Variants in HERPUD2 observed in about 807,000 individuals in gnomAD.
The protein encoded by HERPUD2 is HERPUD family member 2.
In HERPUD2, 13 loss-of-function variants were observed where a neutral mutation model predicts 49.9. That is an observed-to-expected ratio of 0.26 (90% CI 0.17 to 0.41). The LOEUF (loss-of-function observed/expected upper bound fraction) is 0.41, where lower values mean the gene tolerates loss of function less well. Among genes scored for constraint, HERPUD2 ranks in the 10% least tolerant of loss-of-function variants. The pLI is 1.00. For missense variants in HERPUD2, 449 were observed against 492.2 expected, an observed-to-expected ratio of 0.91 and a Z score of 0.83; for synonymous variants, 172 against 171.4, an observed-to-expected ratio of 1.00 and a Z score of -0.03.
intron 2 of HERPUD2, among the ~76,000 whole-genome samples, chr7:35,677,389 C>T (rs1164834539): frequency 6.6e-6 from 1 of 152,166 alleles, no homozygotes; most frequent in East Asian, 1.9e-4. Flanking sequence ...CGTTTCTAGG[C>T]TTTCATTATT....
intron 2 of HERPUD2, among the ~76,000 whole-genome samples, chr7:35,683,886 T>C (rs1057004653): frequency 4.0e-5 from 6 of 151,684 alleles, no homozygotes; most frequent in Admixed American, 6.6e-5. Context: ...GGAATGGCCA[T>C]AATCAAAAAA....
intron 7 of HERPUD2, 64 bp downstream of exon 7, chr7:35,635,071 C>T (rs964108164): frequency 4.9e-6 from 6 of 1,218,286 alleles, no homozygotes; most frequent in African/African-American, 3.0e-5. Context: ...GACTACCCTA[C>T]ACCAGATTCT....
intron 6 of HERPUD2, among the ~76,000 whole-genome samples, chr7:35,637,884 G>A (rs1157850979): frequency 1.3e-4 from 20 of 152,188 alleles, no homozygotes; most frequent in Admixed American, 1.3e-3. Context: ...AATGCAGAAT[G>A]AGTTGAGGAG....
At chr7:35,638,721 C>CA (rs1314224795) in intron 5 of HERPUD2, among the ~76,000 whole-genome samples, 2 of 152,182 alleles carry the variant, frequency 1.3e-5, no homozygotes, top group Non-Finnish European at 2.9e-5. Context: ...AGAAACACCA[C>CA]AAAATGTACA....
intron 8 of HERPUD2, 132 bp downstream of exon 8, chr7:35,634,180 A>G (rs2115812647): frequency 1.5e-6 from 1 of 645,648 alleles, no homozygotes; most frequent in African/African-American, 1.8e-5. Flanking sequence ...ACCACAATTT[A>G]TATGTTAGTT....
At chr7:35,634,031 A>G (rs1784830738) in intron 8 of HERPUD2, among the ~76,000 whole-genome samples, 180 bp from the exon 9 acceptor site, 1 of 152,242 alleles carries the variant, frequency 6.6e-6, no homozygotes, top group African/African-American at 2.4e-5. Flanking sequence ...GACAACTGCC[A>G]ATGCAATACA....
intron 3 of HERPUD2, among the ~76,000 whole-genome samples, chr7:35,672,879 T>C (rs1462495701): frequency 6.6e-6 from 1 of 152,084 alleles, no homozygotes; most frequent in Admixed American, 6.6e-5. Context: ...AAGACTGTTA[T>C]CAATGAAAAT....
chr7:35,688,883 T>G (rs532646812), intron 2 of HERPUD2, among the ~76,000 whole-genome samples: 38 of 151,500 alleles, frequency 2.5e-4, no homozygotes, highest in African/African-American at 8.7e-4. Flanking sequence ...AAAAAAAAAA[T>G]CACCAAGCCT....
At chr7:35,637,090 G>C (rs1179737975) in intron 6 of HERPUD2, among the ~76,000 whole-genome samples, 1 of 151,254 alleles carries the variant, frequency 6.6e-6, no homozygotes, top group Non-Finnish European at 1.5e-5. Flanking sequence ...CCAAGATTAT[G>C]CCACTGCACT....
intron 2 of HERPUD2, among the ~76,000 whole-genome samples, chr7:35,674,329 A>T (rs1785702789): frequency 6.8e-6 from 1 of 147,398 alleles, no homozygotes; most frequent in Non-Finnish European, 1.5e-5. Context: ...ACTCCTATAT[A>T]TAAACAATCA....
At chr7:35,661,239 T>G (rs539936595) in intron 5 of HERPUD2, among the ~76,000 whole-genome samples, 3 of 152,170 alleles carry the variant, frequency 2.0e-5, no homozygotes, top group Non-Finnish European at 4.4e-5. Context: ...CTAGTCTATA[T>G]CTCTGTTTTG....
intron 2 of HERPUD2, among the ~76,000 whole-genome samples, chr7:35,693,863 C>G (rs1322036130): frequency 6.6e-6 from 1 of 152,196 alleles, no homozygotes; most frequent in African/African-American, 2.4e-5. Context: ...GTCTCGAACT[C>G]CTGACCTCGT....
At chr7:35,690,469 A>T (rs543889149) in intron 2 of HERPUD2, among the ~76,000 whole-genome samples, 6 of 152,256 alleles carry the variant, frequency 3.9e-5, no homozygotes, top group Non-Finnish European at 5.9e-5. Flanking sequence ...ATTACTAAGT[A>T]ATATACTAAT....
chr7:35,635,262 A>C lies in HERPUD2; in HGVS notation c.814T>G (p.Phe272Val). The C allele has an allele frequency of 6.2e-7, 1 of 1,614,194 alleles. No individual in the cohort carries two copies. Among genetic ancestry groups the C allele is most frequent in the Non-Finnish European group, 8.5e-7 (1 of 1,180,026 alleles). Residue 272 changes from phenylalanine (F) to valine (V), a missense_variant, in exon 7 of 9, where the codon TTC becomes GTC. Transcript: ENST00000311350. ...QGGPVLNEED[F>V]NRDWLDWMYT... ...ATCCAGTCTAGCCAGTCTCGATTGA[A>C]GTCTTCTTCATTTAGTACTGGACCT...
intron 2 of HERPUD2, among the ~76,000 whole-genome samples, chr7:35,679,111 T>C (rs1320149775): frequency 6.6e-6 from 1 of 152,132 alleles, no homozygotes; most frequent in African/African-American, 2.4e-5. Flanking sequence ...ACAAGTTAAA[T>C]AAATTTAGGA....
intron 2 of HERPUD2, among the ~76,000 whole-genome samples, chr7:35,682,637 C>A (rs552102326): frequency 2.0e-5 from 3 of 151,688 alleles, no homozygotes; most frequent in African/African-American, 7.3e-5. Flanking sequence ...CGCTGTTTGA[C>A]AATTATATGA....
chr7:35,635,340 C>G lies in HERPUD2; in HGVS notation c.736G>C (p.Val246Leu). ...GEEPPPAPNL[V>L]AQENRPMNEN... is the part of the protein sequence containing the mutation. ...TTCATGGGTCGATTTTCTTGGGCCA[C>G]TAGGTTTGGAGCTGGTGGGGGTTCT... Residue 246 changes from valine to leucine, a missense_variant, in exon 7 of 9, where the codon GTG becomes CTG. Physicochemically the swap from Val to Leu is conservative, Grantham distance 32. Coordinates refer to ENST00000311350, the MANE Select transcript of HERPUD2 (RefSeq NM_022373.5). 1 of 1,614,122 alleles carries G rather than the reference C, an allele frequency of 6.2e-7. No homozygotes were observed. The highest frequency in any genetic ancestry group is 1.3e-5 in the African/African-American group (1 of 75,028).
At chr7:35,693,269 G>A (rs2392382) in intron 2 of HERPUD2, among the ~76,000 whole-genome samples, 60,014 of 152,050 alleles carry the variant, frequency 0.39, 12,274 homozygotes, top group South Asian at 0.56. Flanking sequence ...CCAAATGGTG[G>A]TGGGGTGGAG....
At chr7:35,644,693 G>A (rs1785022313) in intron 5 of HERPUD2, among the ~76,000 whole-genome samples, 2 of 152,142 alleles carry the variant, frequency 1.3e-5, no homozygotes, top group Admixed American at 1.3e-4. Context: ...CTTGAACCCA[G>A]GAGGCAGAGG....
Sources: gnomAD v4.1 joint callset for allele counts (sites outside exome capture counted in the v4.1 genomes callset) on GRCh38, gnomAD v4.1.1 for gene constraint, MANE v1.5 for transcripts, NCBI Gene and HGNC (gene_info 2026-07-23, HGNC 2026-07-21) for gene names.